LY6G5C: variants seen among roughly 807,000 people sequenced by gnomAD.
The protein encoded by LY6G5C is lymphocyte antigen 6 family member G5C, also known as lymphocyte antigen 6 complex locus protein G5c.
LY6G5C carries 6 observed loss-of-function variants against 10.5 expected under a neutral mutation model. The observed-to-expected ratio is 0.57, with a 90% CI of 0.31 to 1.12. LY6G5C has a LOEUF of 1.12. Ranked by LOEUF, LY6G5C falls within the 50% of genes most tolerant of loss-of-function variation. The probability of loss-of-function intolerance (pLI) is 0.05; values close to 1 mark genes in which losing one functional copy is unlikely to be tolerated. For synonymous variants in LY6G5C, 69 were observed against 67.8 expected (o/e 1.02, Z -0.09); for missense variants, 160 against 185.5 (o/e 0.86, Z 0.80).
Position 31,677,076 on chromosome 6 carries a change from G to GCT in LY6G5C, c.332_333dup (p.Gln112SerfsTer3). 1 of 1,612,958 alleles carries GCT rather than the reference G, an allele frequency of 6.2e-7. No homozygotes were observed. Among genetic ancestry groups the GCT allele is most frequent in the East Asian group, 2.2e-5 (1 of 44,892 alleles). On this transcript the variant is annotated frameshift_variant, in exon 3 of 3. Transcript: ENST00000383237. LOFTEE classifies it low-confidence loss of function (END_TRUNC). ...CGGGTATTTGAACAATCACTCATCT[G>GCT]CTCCTTACTTCGGCAGTCACTCACC...
chr6:31,680,369 C>T lies in LY6G5C; in HGVS notation c.5G>A (p.Arg2His), dbSNP rs1216298409. Reference sequence around the variant, plus strand: ...GCTCCCTGCAGGGCCTGCCATAAAACGCATGACTGCCTGCTGGCCTCCAGT... The same window carrying T: ...GCTCCCTGCAGGGCCTGCCATAAAATGCATGACTGCCTGCTGGCCTCCAGT... The change falls in exon 1 of 3, where the codon CGT (arginine) becomes CAT (histidine). Residue 2 changes from arginine (R) to histidine (H), a missense_variant. Arg to His is a conservative substitution (Grantham distance 29). Transcript: ENST00000383237. This position sits in a 1 kb window ranked among gnomAD's most constrained non-coding sequence, Gnocchi z 4.5. The T allele has an allele frequency of 4.4e-6, 7 of 1,607,966 alleles. No homozygotes were observed. The highest frequency in any genetic ancestry group is 5.1e-6 in the Non-Finnish European group (6 of 1,177,636).
Position 31,679,566 on chromosome 6 carries a change from G to A in LY6G5C, c.122-298C>T, listed in dbSNP as rs77998101. The A allele has an allele frequency of 4.1e-6, 2 of 482,798 alleles. No homozygotes were observed. The highest frequency in any genetic ancestry group is 3.3e-5 in the Admixed American group (1 of 30,682). 29.9% of individuals were successfully genotyped at this position (482,798 alleles called of 1,614,324 possible). A position where few individuals can be genotyped will look rare whatever the true frequency, so the allele number is the denominator to read the frequency against. ...CCTGTGTCTCTGTGGCTGGTGCTTT[G>A]CAGCCAAGTGGGGAGCCCAGCAGGC... On this transcript the variant is annotated intron_variant, in intron 1 of 2. Transcript: ENST00000383237. This position sits in a 1 kb window ranked among gnomAD's most constrained non-coding sequence, Gnocchi z 4.4.
chr6:31,680,679 G>A (rs913293277), upstream of LY6G5C, among the ~76,000 whole-genome samples: 1 of 152,260 alleles, frequency 6.6e-6, no homozygotes, highest in African/African-American at 2.4e-5. The surrounding 1 kb of genome is among the most constrained non-coding windows in gnomAD (Gnocchi z 4.5). Context: ...CAGTCTAGTA[G>A]GGGAGACAAG....
chr6:31,679,734 C>T lies in LY6G5C; in HGVS notation c.122-466G>A, dbSNP rs768243061. On this transcript the variant is annotated intron_variant, in intron 1 of 2. Coordinates refer to ENST00000383237, the Ensembl canonical transcript of LY6G5C. This position sits in a 1 kb window ranked among gnomAD's most constrained non-coding sequence, Gnocchi z 4.4. ...AGGTCACTGCTGTGAAGTGAGACAG[C>T]CCTGGGGTGGTCACTAGAAATCTCC... 6.9e-5 allele frequency: 14 copies of T among 202,472 alleles called. No individual in the cohort carries two copies. Among genetic ancestry groups the T allele is most frequent in the Middle Eastern group, 2.2e-3 (1 of 448 alleles). 12.5% of individuals were successfully genotyped at this position (202,472 alleles called of 1,614,324 possible). A position where few individuals can be genotyped will look rare whatever the true frequency, so the allele number is the denominator to read the frequency against.
At position 31,679,763 on chromosome 6, in the gene LY6G5C, A is replaced by G; in HGVS notation, c.121+490T>C. ...GGGGTGGTCACTAGAAATCTCCTTCAGAGGCTGGGTGCGGTGGCTCACGCC... is the reference window on the plus strand; with the variant it reads ...GGGGTGGTCACTAGAAATCTCCTTCGGAGGCTGGGTGCGGTGGCTCACGCC... On this transcript the variant is annotated intron_variant, in intron 1 of 2. Transcript: ENST00000383237. The surrounding 1 kb of genome is among the most constrained non-coding windows in gnomAD (Gnocchi z 4.4). 5.2e-6 allele frequency: 1 copy of G among 190,516 alleles called. No individual in the cohort carries two copies. The highest frequency in any genetic ancestry group is 9.9e-5 in the South Asian group (1 of 10,074). 11.8% of individuals were successfully genotyped at this position (190,516 alleles called of 1,614,324 possible).
upstream of LY6G5C, chr6:31,680,426 C>T: frequency 1.9e-6 from 3 of 1,568,432 alleles, no homozygotes; most frequent in Middle Eastern, 2.3e-4. The surrounding 1 kb of genome is among the most constrained non-coding windows in gnomAD (Gnocchi z 4.5). Flanking sequence ...AGAGGTTGGC[C>T]AAGAGGAAGG....
rs1327713484 is a variant in LY6G5C at position 31,679,430 on chromosome 6, A to G, written c.122-162T>C. The G allele has an allele frequency of 2.8e-6, 2 of 716,272 alleles. No individual in the cohort carries two copies. Among genetic ancestry groups the G allele is most frequent in the African/African-American group, 1.8e-5 (1 of 56,506 alleles). The allele number at this position is 716,272 out of a possible 1,614,324, so 44.4% of individuals were successfully genotyped here. On this transcript the variant is annotated intron_variant, in intron 1 of 2. Coordinates refer to ENST00000383237, the Ensembl canonical transcript of LY6G5C. The surrounding 1 kb of genome is among the most constrained non-coding windows in gnomAD (Gnocchi z 4.4). ...CTTCCTTCCCCAACTGCATACACATACATCCCCCTTTTCCTCTGGTCCTAA... is the reference window on the plus strand; with the variant it reads ...CTTCCTTCCCCAACTGCATACACATGCATCCCCCTTTTCCTCTGGTCCTAA...
chr6:31,676,844 G>T, exon 3 of LY6G5C: 1 of 1,009,012 alleles, frequency 9.9e-7, no homozygotes, highest in Non-Finnish European at 1.5e-6. Context: ...GTGGCTGGAG[G>T]GAGGCAAGGA....
Position 31,680,026 on chromosome 6 carries a change from TAC to T in LY6G5C, c.121+225_121+226del. The T allele has an allele frequency of 2.3e-6, 1 of 438,876 alleles. No individual in the cohort carries two copies. Among genetic ancestry groups the T allele is most frequent in the Non-Finnish European group, 4.1e-6 (1 of 242,722 alleles). The allele number at this position is 438,876 out of a possible 1,614,324, so 27.2% of individuals were successfully genotyped here. On this transcript the variant is annotated intron_variant, in intron 1 of 2. Transcript: ENST00000383237. The surrounding 1 kb of genome is among the most constrained non-coding windows in gnomAD (Gnocchi z 4.5). ...CTCGCCACTGCACTCCGGCCTGGGA[TAC>T]AGAGCGAGACTCCATCTCAAAAATA...
chr6:31,676,807 A>G (rs767829979), exon 3 of LY6G5C: 17 of 729,678 alleles, frequency 2.3e-5, no homozygotes, highest in Non-Finnish European at 3.8e-5. Flanking sequence ...GGCGTCAACC[A>G]AGAGGAAGAG....
chr6:31,678,937 G>A (rs1288237465), intron 2 of LY6G5C, among the ~76,000 whole-genome samples, 164 bp downstream of exon 2: 12 of 151,236 alleles, frequency 7.9e-5, no homozygotes, highest in African/African-American at 9.8e-5. Context: ...CCAAGATTGC[G>A]CCACTGCACT....
Position 31,678,979 on chromosome 6 carries a change from A to AG in LY6G5C, c.289+121_289+122insC, listed in dbSNP as rs199887983. On this transcript the variant is annotated intron_variant, in intron 2 of 2. Transcript: ENST00000383237. ...TGGGTGACAGAGCAGCAAAAAAAAA[A>AG]AGACAGGATTGGAGCAATGTCTTAT... 7,426 of 1,139,632 alleles carry AG rather than the reference A, an allele frequency of 6.5e-3. 193 individuals carry two copies. The South Asian group carries it at 0.068, about 10-fold the overall frequency. 70.6% of individuals were successfully genotyped at this position (1,139,632 alleles called of 1,614,324 possible). A position where few individuals can be genotyped will look rare whatever the true frequency, so the allele number is the denominator to read the frequency against.
chr6:31,679,448 G>A lies in LY6G5C; in HGVS notation c.122-180C>T. The A allele has an allele frequency of 3.0e-6, 2 of 664,410 alleles. No homozygotes were observed. Among genetic ancestry groups the A allele is most frequent in the East Asian group, 2.7e-5 (1 of 36,712 alleles). 41.2% of individuals were successfully genotyped at this position (664,410 alleles called of 1,614,324 possible). ...TACACATACATCCCCCTTTTCCTCTGGTCCTAAGGCCAGACCACATGTTAA... is the reference window on the plus strand; with the variant it reads ...TACACATACATCCCCCTTTTCCTCTAGTCCTAAGGCCAGACCACATGTTAA... On this transcript the variant is annotated intron_variant, in intron 1 of 2. Transcript: ENST00000383237. This position sits in a 1 kb window ranked among gnomAD's most constrained non-coding sequence, Gnocchi z 4.4.
chr6:31,678,969 C>CAAAA, intron 2 of LY6G5C, 132 bp downstream of exon 2: 8 of 877,660 alleles, frequency 9.1e-6, no homozygotes, highest in Non-Finnish European at 8.6e-6. Flanking sequence ...GACAGAGCAG[C>CAAAA]AAAAAAAAAA....
intron 2 of LY6G5C, among the ~76,000 whole-genome samples, chr6:31,677,768 G>A (rs1802661170): frequency 6.6e-6 from 1 of 152,144 alleles, no homozygotes; most frequent in Non-Finnish European, 1.5e-5. Flanking sequence ...TGGGGCGGGG[G>A]AAGAGGTGAA....
chr6:31,680,189 C>T lies in LY6G5C; in HGVS notation c.121+64G>A, dbSNP rs1258230742. 1.2e-6 allele frequency: 2 copies of T among 1,607,204 alleles called. No homozygotes were observed. Among genetic ancestry groups the T allele is most frequent in the Non-Finnish European group, 8.5e-7 (1 of 1,175,030 alleles). On this transcript the variant is annotated intron_variant, in intron 1 of 2. Transcript: ENST00000383237. This position sits in a 1 kb window ranked among gnomAD's most constrained non-coding sequence, Gnocchi z 4.5. Reference sequence around the variant, plus strand: ...CATCCTGGACAGGTGTACCCAGACACTTGGTGTCTGTGGGTTTCTCCATCC... The same window carrying T: ...CATCCTGGACAGGTGTACCCAGACATTTGGTGTCTGTGGGTTTCTCCATCC...
In LY6G5C at chr6:31,679,337, C is replaced by T; in HGVS notation, c.122-69G>A. The stretch of plus-strand genomic sequence containing the variant: ...CCTCACACCCTACCACTGCCTGATT[C>T]CAGGCCACTCAGCCCCACTCCTCCC... On this transcript the variant is annotated intron_variant, in intron 1 of 2. Transcript: ENST00000383237. This position sits in a 1 kb window ranked among gnomAD's most constrained non-coding sequence, Gnocchi z 4.4. 6.5e-7 allele frequency: 1 copy of T among 1,541,856 alleles called. No individual in the cohort carries two copies. The highest frequency in any genetic ancestry group is 9.0e-7 in the Non-Finnish European group (1 of 1,116,456).
upstream of LY6G5C, among the ~76,000 whole-genome samples, chr6:31,680,959 G>T (rs1802856625): frequency 6.6e-6 from 1 of 151,820 alleles, no homozygotes; most frequent in Admixed American, 6.6e-5. The surrounding 1 kb of genome is among the most constrained non-coding windows in gnomAD (Gnocchi z 4.5). Flanking sequence ...GATACAGTTA[G>T]AAGACTGGAC....
Position 31,679,516 on chromosome 6 carries a change from A to G in LY6G5C, c.122-248T>C. 2 of 565,032 alleles carry G rather than the reference A, an allele frequency of 3.5e-6. No individual in the cohort carries two copies. Among genetic ancestry groups the G allele is most frequent in the Non-Finnish European group, 6.3e-6 (2 of 315,576 alleles). The allele number at this position is 565,032 out of a possible 1,614,324, so 35.0% of individuals were successfully genotyped here. Reference sequence around the variant, plus strand: ...CAGAGCACTTGGTGTTAGGCAGAGGAAAGTGCTAAACCAACACTTTGAATC... The same window carrying G: ...CAGAGCACTTGGTGTTAGGCAGAGGGAAGTGCTAAACCAACACTTTGAATC... On this transcript the variant is annotated intron_variant, in intron 1 of 2. Coordinates refer to ENST00000383237, the Ensembl canonical transcript of LY6G5C. This position sits in a 1 kb window ranked among gnomAD's most constrained non-coding sequence, Gnocchi z 4.4.
Sources: allele counts gnomAD v4.1 joint callset (sites outside exome capture counted in the v4.1 genomes callset), GRCh38; gene constraint gnomAD v4.1.1; non-coding constraint Gnocchi (gnomAD v3.1); transcripts MANE v1.5; gene names NCBI Gene and HGNC (gene_info 2026-07-23, HGNC 2026-07-21).